The following POF1B variants were observed in gnomAD, a reference collection of about 807,000 sequenced individuals.
The protein encoded by POF1B is protein POF1B.
Under a neutral mutation model 55.3 loss-of-function variants are expected in POF1B, and 53 were observed. The ratio of observed to expected loss-of-function variants is 0.96; its 90% CI spans 0.77 to 1.20. POF1B has a LOEUF of 1.20. POF1B is among the 50% of genes most tolerant of loss of function. The pLI is 0.00. For missense variants in POF1B, 478 were observed against 420.5 expected, an observed-to-expected ratio of 1.14 and a Z score of -1.20; for synonymous variants, 188 against 148.3, an observed-to-expected ratio of 1.27 and a Z score of -1.95.
intron 15 of POF1B, among the ~76,000 whole-genome samples, chrX:85,296,939 T>A (rs1297423840): frequency 1.8e-5 from 2 of 112,170 alleles, no homozygotes; most frequent in Non-Finnish European, 3.8e-5. Context: ...ATTTAATTTT[T>A]TTTTTATTTT....
intron 6 of POF1B, among the ~76,000 whole-genome samples, chrX:85,332,858 T>A (rs748167382): frequency 1.4e-4 from 15 of 110,903 alleles, no homozygotes; most frequent in Non-Finnish European, 2.7e-4. Flanking sequence ...CCTGAGTAAA[T>A]AATGATTATT....
At chrX:85,288,047 A>G (rs970236449) in intron 15 of POF1B, among the ~76,000 whole-genome samples, 3 of 111,959 alleles carry the variant, frequency 2.7e-5, no homozygotes, top group African/African-American at 9.7e-5. Flanking sequence ...CACTCTCTAC[A>G]ATAAAACAAT....
chrX:85,366,375 G>C (rs1420661770), intron 3 of POF1B, among the ~76,000 whole-genome samples: 2 of 111,098 alleles, frequency 1.8e-5, no homozygotes, highest in Non-Finnish European at 3.8e-5. Flanking sequence ...GTATTTGAAT[G>C]GAAGAAAACA....
chrX:85,284,685 C>A (rs1367023115), intron 15 of POF1B, among the ~76,000 whole-genome samples: 4 of 111,639 alleles, frequency 3.6e-5, no homozygotes, highest in African/African-American at 1.3e-4. Context: ...AAATGTTAGA[C>A]CTAAAACCAT....
At chrX:85,315,315 C>A (rs57958230) in intron 8 of POF1B, among the ~76,000 whole-genome samples, 23,926 of 110,373 alleles carry the variant, frequency 0.22, 2,483 homozygotes, top group African/African-American at 0.4. Context: ...ATTAAAACTA[C>A]ATTTGCTATT....
At chrX:85,320,531 A>G (rs1445476577) in intron 7 of POF1B, among the ~76,000 whole-genome samples, 1 of 111,390 alleles carries the variant, frequency 9.0e-6, no homozygotes, top group Non-Finnish European at 1.9e-5. Context: ...AATTAAAAGA[A>G]CTAAAAAAGC....
At chrX:85,363,947 A>G (rs1025463518) in intron 3 of POF1B, among the ~76,000 whole-genome samples, 7 of 111,929 alleles carry the variant, frequency 6.3e-5, no homozygotes, top group African/African-American at 2.3e-4. Flanking sequence ...GGGTGCATAT[A>G]TATTTAGGAC....
chrX:85,303,354 G>A (rs1932499368), intron 15 of POF1B, 52 bp downstream of exon 15: 3 of 854,139 alleles, frequency 3.5e-6, no homozygotes, highest in Admixed American at 2.8e-5. Context: ...GAAATAACTT[G>A]GATTATATGA....
In POF1B at chrX:85,305,898, A is replaced by T; in HGVS notation, c.1330T>A (p.Cys444Ser). 8.3e-7 allele frequency: 1 copy of T among 1,208,316 alleles called. No individual in the cohort carries two copies. Among genetic ancestry groups the T allele is most frequent in the East Asian group, 3.0e-5 (1 of 33,764 alleles). The change falls in exon 13 of 17, where the codon TGC becomes AGC. Residue 444 changes from cysteine to serine, a missense_variant. Transcript: ENST00000262753. The part of the protein sequence containing the change: ...QNLRMQVSET[C>S]TGPMLQAKMD... ...TTAGCCTGCAACATTGGGCCTGTGC[A>T]AGTCTCAGAAACCTACAGAAGGCAA...
At chrX:85,303,958 C>T (rs1932515092) in intron 14 of POF1B, among the ~76,000 whole-genome samples, 2 of 111,244 alleles carry the variant, frequency 1.8e-5, no homozygotes, top group African/African-American at 6.5e-5. Context: ...ACAATTCCTT[C>T]AGTACCTATT....
At chrX:85,374,260 A>G (rs1192908835) in intron 2 of POF1B, among the ~76,000 whole-genome samples, 8 of 111,587 alleles carry the variant, frequency 7.2e-5, no homozygotes, top group Non-Finnish European at 1.5e-4. Flanking sequence ...GACATTCCAC[A>G]TAGACCTTTT....
At chrX:85,279,949 C>G (rs1223226997) in intron 16 of POF1B, among the ~76,000 whole-genome samples, 1 of 110,985 alleles carries the variant, frequency 9.0e-6, no homozygotes, top group Non-Finnish European at 1.9e-5. Context: ...TAACTTTGGG[C>G]ATCAAATTAT....
chrX:85,323,748 T>C (rs1032895060), intron 7 of POF1B, among the ~76,000 whole-genome samples: 3 of 111,365 alleles, frequency 2.7e-5, no homozygotes, highest in African/African-American at 9.8e-5. Context: ...ATTTCTTGTC[T>C]TCTACTGTCT....
chrX:85,348,666 G>A (rs1360982039), intron 5 of POF1B, among the ~76,000 whole-genome samples: 7 of 111,155 alleles, frequency 6.3e-5, no homozygotes, highest in Non-Finnish European at 1.3e-4. Flanking sequence ...CAGCTTTCGT[G>A]GTGGTTCCCA....
intron 6 of POF1B, among the ~76,000 whole-genome samples, chrX:85,343,572 A>G (rs1002401138): frequency 9.0e-6 from 1 of 111,029 alleles, no homozygotes; most frequent in African/African-American, 3.3e-5. Flanking sequence ...AGTTTTCTCC[A>G]TTGATTTTTT....
intron 5 of POF1B, among the ~76,000 whole-genome samples, chrX:85,348,552 T>A (rs1255845918): frequency 9.0e-6 from 1 of 110,828 alleles, no homozygotes; most frequent in Non-Finnish European, 1.9e-5. Context: ...TCATCCAGAC[T>A]CTGGCTTTAC....
chrX:85,352,205 A>G (rs774184468), intron 4 of POF1B, among the ~76,000 whole-genome samples: 21 of 111,099 alleles, frequency 1.9e-4, no homozygotes, highest in African/African-American at 6.8e-4. Context: ...CATGTGTACC[A>G]TGTTCTTTTC....
intron 9 of POF1B, among the ~76,000 whole-genome samples, chrX:85,308,671 T>A (rs1037205145): frequency 9.0e-6 from 1 of 110,721 alleles, no homozygotes; most frequent in Non-Finnish European, 1.9e-5. Context: ...ATATTTTTGG[T>A]TTTTTTTGTT....
intron 3 of POF1B, among the ~76,000 whole-genome samples, chrX:85,362,726 C>A (rs776960224): frequency 9.9e-5 from 11 of 111,065 alleles, no homozygotes; most frequent in Non-Finnish European, 2.1e-4. Context: ...TGTGTCTCTG[C>A]CAGGTTTTGG....
Sources: allele counts gnomAD v4.1 joint callset (sites outside exome capture counted in the v4.1 genomes callset), GRCh38; gene constraint gnomAD v4.1.1; transcripts MANE v1.5; gene names NCBI Gene and HGNC (gene_info 2026-07-23, HGNC 2026-07-21).